The following NCKAP5 variants were observed in gnomAD, a reference collection of about 807,000 sequenced individuals.
The protein encoded by NCKAP5 is NCK associated protein 5.
A neutral mutation model predicts 167.0 loss-of-function variants in NCKAP5; 92 were observed. That is an observed-to-expected ratio of 0.55 (90% CI 0.47 to 0.66). The LOEUF (loss-of-function observed/expected upper bound fraction) is 0.66. Among genes scored for constraint, NCKAP5 ranks in the 30% least tolerant of loss-of-function variants. The probability of loss-of-function intolerance (pLI) is 0.00; values close to 1 mark genes in which losing one functional copy is unlikely to be tolerated. For missense variants in NCKAP5, 2,378 were observed against 2,315.0 expected (o/e 1.03, Z -0.56); for synonymous variants, 891 against 877.4 (o/e 1.02, Z -0.27).
intron 4 of NCKAP5, among the ~76,000 whole-genome samples, chr2:133,218,405 T>C (rs2086521368): frequency 6.6e-6 from 1 of 152,176 alleles, no homozygotes; most frequent in African/African-American, 2.4e-5. Context: ...ACAGAACATG[T>C]CATAAGACTT....
intron 3 of NCKAP5, among the ~76,000 whole-genome samples, chr2:133,472,694 T>C (rs1160247767): frequency 6.6e-6 from 1 of 152,104 alleles, no homozygotes; most frequent in East Asian, 1.9e-4. Flanking sequence ...ACTCCTCAAA[T>C]ATTTTCCCAA....
chr2:133,585,930 T>A, the NCKAP5 span, among the ~76,000 whole-genome samples: 1 of 152,294 alleles, frequency 6.6e-6, no homozygotes, highest in East Asian at 1.9e-4. Flanking sequence ...GGCATCAAGT[T>A]TATGTGTTTT....
At chr2:133,252,707 CT>C (rs1185352450) in intron 4 of NCKAP5, among the ~76,000 whole-genome samples, 26 of 152,160 alleles carry the variant, frequency 1.7e-4, no homozygotes. Context: ...CAAAGTCAGG[CT>C]GCCCATGGGC....
chr2:133,600,106 A>T, the NCKAP5 span, among the ~76,000 whole-genome samples: 1 of 152,050 alleles, frequency 6.6e-6, no homozygotes, highest in Non-Finnish European at 1.5e-5. Flanking sequence ...TTTCTTCGGG[A>T]CTCCATTCGA....
intron 19 of NCKAP5, among the ~76,000 whole-genome samples, chr2:132,676,923 G>A (rs1252199667): frequency 6.6e-6 from 1 of 152,174 alleles, no homozygotes; most frequent in Non-Finnish European, 1.5e-5. Context: ...TTTGGATTTA[G>A]AGCTAGGCAG....
chr2:132,834,885 T>C (rs1687778249), intron 11 of NCKAP5, among the ~76,000 whole-genome samples: 1 of 152,202 alleles, frequency 6.6e-6, no homozygotes, highest in South Asian at 2.1e-4. Context: ...TATCTTTGTC[T>C]CATTCCAGTT....
intron 3 of NCKAP5, among the ~76,000 whole-genome samples, chr2:133,512,893 A>G (rs1480995712): frequency 3.9e-5 from 6 of 151,990 alleles, no homozygotes; most frequent in African/African-American, 1.4e-4. Flanking sequence ...CCGCTTCCCC[A>G]TGGCCCCTCC....
chr2:133,492,299 AT>A (rs1418277830), intron 3 of NCKAP5, among the ~76,000 whole-genome samples: 2 of 152,150 alleles, frequency 1.3e-5, no homozygotes, highest in Non-Finnish European at 2.9e-5. Context: ...CTCAGCCTCA[AT>A]TGTAAAATGG....
chr2:133,343,555 A>G (rs981434816), intron 3 of NCKAP5, among the ~76,000 whole-genome samples: 1 of 152,162 alleles, frequency 6.6e-6, no homozygotes, highest in Admixed American at 6.5e-5. Context: ...TATGTCTAAA[A>G]CTGAGATGGG....
At chr2:133,217,843 C>T (rs903721437) in intron 4 of NCKAP5, among the ~76,000 whole-genome samples, 3 of 152,116 alleles carry the variant, frequency 2.0e-5, no homozygotes, top group South Asian at 4.1e-4. Context: ...ACACATATAC[C>T]CTGATTCCCA....
intron 16 of NCKAP5, among the ~76,000 whole-genome samples, chr2:132,770,836 A>T (rs1001268764): frequency 1.3e-5 from 2 of 152,206 alleles, no homozygotes; most frequent in Admixed American, 1.3e-4. Context: ...ATTATAATGA[A>T]GCTGAAAAAT....
At chr2:133,306,596 T>C (rs878895625) in intron 3 of NCKAP5, among the ~76,000 whole-genome samples, 1 of 152,096 alleles carries the variant, frequency 6.6e-6, no homozygotes, top group Admixed American at 6.5e-5. Flanking sequence ...GCAGCCAAGA[T>C]AATAAAATGA....
chr2:132,920,086 C>T (rs952912680), intron 8 of NCKAP5, among the ~76,000 whole-genome samples: 1 of 152,138 alleles, frequency 6.6e-6, no homozygotes, highest in Non-Finnish European at 1.5e-5. Flanking sequence ...CTGACTGGAC[C>T]ACCAGGACCC....
At chr2:133,597,207 C>A in the NCKAP5 span, among the ~76,000 whole-genome samples, 6 of 152,212 alleles carry the variant, frequency 3.9e-5, no homozygotes, top group Admixed American at 2.0e-4. Context: ...ATGCATCTCT[C>A]AAGGAAGTCC....
At chr2:133,278,782 CAAAAA>C (rs59725110) in intron 4 of NCKAP5, among the ~76,000 whole-genome samples, 951 of 94,126 alleles carry the variant, frequency 0.01, 11 homozygotes, top group African/African-American at 0.033. Flanking sequence ...CCCTAAACTA[CAAAAA>C]AAAAAAAAAA....
At chr2:133,257,089 T>G (rs557308671) in intron 4 of NCKAP5, among the ~76,000 whole-genome samples, 1 of 152,326 alleles carries the variant, frequency 6.6e-6, no homozygotes, top group East Asian at 1.9e-4. Flanking sequence ...TACGAACTTT[T>G]TCAGCTTGAA....
chr2:133,637,420 G>A, the NCKAP5 span, among the ~76,000 whole-genome samples: 23 of 106,840 alleles, frequency 2.2e-4, no homozygotes, highest in African/African-American at 7.9e-4. Flanking sequence ...AAAAGAGTTT[G>A]TAGAAATAAA....
At chr2:133,567,701 T>TGTGTGTGTGTGTG (rs879405003) in intron 1 of NCKAP5, among the ~76,000 whole-genome samples, 15 of 68,778 alleles carry the variant, frequency 2.2e-4, no homozygotes, top group South Asian at 5.3e-4. Flanking sequence ...GTGTGTGTGT[T>TGTGTGTGTGTGTG]TGGGGAGAGA....
chr2:133,106,924 A>G (rs1376258161), intron 6 of NCKAP5, among the ~76,000 whole-genome samples: 4 of 152,180 alleles, frequency 2.6e-5, no homozygotes, highest in Non-Finnish European at 5.9e-5. Context: ...GCAAAAACCA[A>G]TCTTGTGGGT....
Sources: allele counts gnomAD v4.1 joint callset (sites outside exome capture counted in the v4.1 genomes callset), GRCh38; gene constraint gnomAD v4.1.1; transcripts MANE v1.5; gene names NCBI Gene and HGNC (gene_info 2026-07-23, HGNC 2026-07-21).